Variants in AGBL1 observed in about 807,000 individuals in gnomAD.
The protein encoded by AGBL1 is cytosolic carboxypeptidase 4.
A neutral mutation model predicts 118.9 loss-of-function variants in AGBL1; 130 were observed. That is an observed-to-expected ratio of 1.09 (90% CI 0.95 to 1.26). AGBL1 has a LOEUF of 1.26. Ranked by LOEUF, AGBL1 falls within the 50% of genes most tolerant of loss-of-function variation. AGBL1 has a pLI of 0.00. For synonymous variants in AGBL1, 555 were observed against 478.9 expected (o/e 1.16, Z -2.08); for missense variants, 1,584 against 1,298.1 (o/e 1.22, Z -3.38).
chr15:86,428,989 T>C (rs560231649), intron 18 of AGBL1, among the ~76,000 whole-genome samples: 1 of 152,298 alleles, frequency 6.6e-6, no homozygotes, highest in African/African-American at 2.4e-5. Context: ...CAAGTGAATA[T>C]TGAGAAATAG....
intron 22 of AGBL1, among the ~76,000 whole-genome samples, chr15:86,874,198 A>G (rs1567218661): frequency 6.6e-6 from 1 of 152,282 alleles, no homozygotes; most frequent in East Asian, 1.9e-4. Context: ...TTATGTCAAT[A>G]TTTTCCAATC....
intron 17 of AGBL1, among the ~76,000 whole-genome samples, chr15:86,300,762 A>C (rs2079732892): frequency 6.6e-6 from 1 of 152,226 alleles, no homozygotes; most frequent in Admixed American, 6.6e-5. Context: ...GCAGTTGTTA[A>C]AGAATAACTT....
At chr15:86,426,481 A>G (rs2081867749) in intron 18 of AGBL1, among the ~76,000 whole-genome samples, 1 of 152,202 alleles carries the variant, frequency 6.6e-6, no homozygotes. Flanking sequence ...CACAGGGACA[A>G]TGCTGTCTAA....
intron 22 of AGBL1, among the ~76,000 whole-genome samples, chr15:86,702,618 C>T (rs1373683857): frequency 6.6e-6 from 1 of 152,162 alleles, no homozygotes; most frequent in East Asian, 1.9e-4. Context: ...CCACTTCCTT[C>T]TTTCCAGTCC....
intron 21 of AGBL1, among the ~76,000 whole-genome samples, chr15:86,668,095 T>G (rs755898475): frequency 3.9e-5 from 6 of 152,074 alleles, no homozygotes; most frequent in Non-Finnish European, 8.8e-5. Flanking sequence ...AACTAACAAT[T>G]CACTCGTTCC....
intron 1 of AGBL1, among the ~76,000 whole-genome samples, chr15:86,137,458 C>G (rs545084871): frequency 6.6e-6 from 1 of 152,228 alleles, no homozygotes; most frequent in Admixed American, 6.5e-5. Flanking sequence ...GTAAGATATT[C>G]ATTATTTCTC....
intron 5 of AGBL1, among the ~76,000 whole-genome samples, chr15:86,170,689 T>A (rs1303711686): frequency 1.3e-5 from 2 of 151,674 alleles, no homozygotes; most frequent in African/African-American, 4.8e-5. Flanking sequence ...CTATTAAAAA[T>A]ACAAAAATTA....
chr15:86,410,834 ATATATAT>A (rs2081600851), intron 18 of AGBL1, among the ~76,000 whole-genome samples: 2 of 106,134 alleles, frequency 1.9e-5, no homozygotes, highest in African/African-American at 8.4e-5. Context: ...ATATATATAT[ATATATAT>A]AATATACTAT....
intron 17 of AGBL1, among the ~76,000 whole-genome samples, chr15:86,381,214 C>G (rs2081109594): frequency 6.6e-6 from 1 of 152,274 alleles, no homozygotes; most frequent in African/African-American, 2.4e-5. Flanking sequence ...ATGAGTGACT[C>G]TTTTGCCATC....
At chr15:86,823,647 G>T in intron 22 of AGBL1, among the ~76,000 whole-genome samples, 1 of 152,140 alleles carries the variant, frequency 6.6e-6, no homozygotes, top group East Asian at 1.9e-4. Flanking sequence ...AAATCTATAT[G>T]AGAATGTATC....
rs2084364392 is a variant in AGBL1 at position 86,593,366 on chromosome 15, A to G, written c.2994+38829A>G. 2.6e-5 allele frequency among the ~76,000 whole-genome samples: 4 copies of G among 151,380 alleles called. No individual in the cohort carries two copies. In the South Asian group the frequency reaches 8.3e-4, roughly 32 times the overall value. ...GGATCTGGTGTGCTCCTTGCTACTG[A>G]TGTGTCTCATCAGACAGACCTAGGA... On this transcript the variant is annotated intron_variant, in intron 21 of 22. Coordinates refer to ENST00000614907, the MANE Select transcript of AGBL1 (RefSeq NM_001386094.1).
intron 6 of AGBL1, among the ~76,000 whole-genome samples, chr15:86,240,271 G>T (rs758811717): frequency 6.6e-6 from 1 of 152,192 alleles, no homozygotes. Flanking sequence ...AAATATTCAC[G>T]TTGTAATGTG....
chr15:86,145,746 A>G (rs1188939197), intron 3 of AGBL1, among the ~76,000 whole-genome samples: 1 of 152,238 alleles, frequency 6.6e-6, no homozygotes, highest in Non-Finnish European at 1.5e-5. Context: ...TCCTAGGGCC[A>G]GGTGCTTTAG....
chr15:86,580,842 T>A (rs1008932406), intron 21 of AGBL1, among the ~76,000 whole-genome samples: 1 of 152,190 alleles, frequency 6.6e-6, no homozygotes, highest in African/African-American at 2.4e-5. Flanking sequence ...CACTTATTTT[T>A]AATTAATATG....
chr15:86,651,203 C>G (rs1185378438), intron 21 of AGBL1, among the ~76,000 whole-genome samples: 2 of 152,106 alleles, frequency 1.3e-5, no homozygotes, highest in African/African-American at 4.8e-5. Flanking sequence ...TGGTGAGGCC[C>G]AGGATTATTC....
chr15:86,878,998 A>G (rs1473459235), intron 22 of AGBL1, among the ~76,000 whole-genome samples: 1 of 152,182 alleles, frequency 6.6e-6, no homozygotes, highest in Non-Finnish European at 1.5e-5. Flanking sequence ...CAGGAGAACA[A>G]AGGAGCCCTG....
At chr15:86,649,144 C>G (rs1017029082) in intron 21 of AGBL1, among the ~76,000 whole-genome samples, 4 of 152,110 alleles carry the variant, frequency 2.6e-5, no homozygotes, top group African/African-American at 9.7e-5. Flanking sequence ...GAAATAGGAT[C>G]TGATGCATAC....
chr15:86,936,338 C>T (rs1432369066), intron 23 of AGBL1, among the ~76,000 whole-genome samples: 1 of 151,740 alleles, frequency 6.6e-6, no homozygotes, highest in East Asian at 1.9e-4. Flanking sequence ...ACTCACTGTG[C>T]CAGGTATTGT....
At chr15:86,851,537 G>T (rs1245763075) in intron 22 of AGBL1, among the ~76,000 whole-genome samples, 1 of 152,140 alleles carries the variant, frequency 6.6e-6, no homozygotes, top group Non-Finnish European at 1.5e-5. Context: ...TGTATCCCCA[G>T]AATTTCCTGA....
Sources: allele counts gnomAD v4.1 joint callset (sites outside exome capture counted in the v4.1 genomes callset), GRCh38; gene constraint gnomAD v4.1.1; transcripts MANE v1.5; gene names NCBI Gene and HGNC (gene_info 2026-07-23, HGNC 2026-07-21).